Variants in PGM3 observed in about 807,000 individuals in gnomAD.
PGM3 encodes phosphoglucomutase 3.
Under a neutral mutation model 66.2 loss-of-function variants are expected in PGM3, and 40 were observed. That is an observed-to-expected ratio of 0.60 (90% CI 0.47 to 0.79). The LOEUF is 0.79. PGM3 is among the 30% of genes least tolerant of loss of function. The pLI is 0.00. For synonymous variants in PGM3, 191 were observed against 224.2 expected, an observed-to-expected ratio of 0.85 and a Z score of 1.32; for missense variants, 537 against 643.4, an observed-to-expected ratio of 0.83 and a Z score of 1.79.
intron 1 of PGM3, 198 bp from the exon 2 acceptor site, chr6:83,191,212 T>C: frequency 6.5e-7 from 1 of 1,535,226 alleles, no homozygotes; most frequent in Non-Finnish European, 8.7e-7. Context: ...CAACTTGGTA[T>C]GTCCACTCCT....
downstream of PGM3, among the ~76,000 whole-genome samples, chr6:83,164,173 C>A (rs1251173475): frequency 6.7e-6 from 1 of 149,112 alleles, no homozygotes; most frequent in African/African-American, 2.5e-5. Flanking sequence ...GGCAGCAGCT[C>A]TTAAACTGAA....
chr6:83,171,514 C>T (rs754327970), intron 11 of PGM3, among the ~76,000 whole-genome samples: 28 of 151,998 alleles, frequency 1.8e-4, no homozygotes, highest in Non-Finnish European at 2.6e-4. Flanking sequence ...TGTTTTGAGA[C>T]GGAGTCTCGC....
chr6:83,193,655 C>T (rs919770235), upstream of PGM3, among the ~76,000 whole-genome samples: 43 of 152,306 alleles, frequency 2.8e-4, no homozygotes, highest in African/African-American at 7.0e-4. Flanking sequence ...GGCGACCTCG[C>T]CCACAGTGAG....
downstream of PGM3, among the ~76,000 whole-genome samples, chr6:83,156,765 T>C (rs1782888029): frequency 6.6e-6 from 1 of 152,212 alleles, no homozygotes; most frequent in South Asian, 2.1e-4. Context: ...AGACAAATGA[T>C]TCCTTGTTTC....
chr6:83,189,784 A>G (rs897355407), intron 2 of PGM3, among the ~76,000 whole-genome samples: 5 of 152,252 alleles, frequency 3.3e-5, no homozygotes, highest in Admixed American at 1.3e-4. Context: ...AATGTGGTAT[A>G]TATACACAAT....
intron 4 of PGM3, among the ~76,000 whole-genome samples, chr6:83,183,623 G>C (rs1260681613): frequency 6.6e-6 from 1 of 152,152 alleles, no homozygotes; most frequent in African/African-American, 2.4e-5. Context: ...ACTGAGCAGG[G>C]AAGACGGGAA....
At chr6:83,183,277 A>G (rs985295335) in intron 4 of PGM3, among the ~76,000 whole-genome samples, 2 of 152,240 alleles carry the variant, frequency 1.3e-5, no homozygotes, top group Non-Finnish European at 2.9e-5. Context: ...CCTCCTGGAA[A>G]CAACCAACAT....
rs1005597363 is a variant in PGM3 at position 83,166,043 on chromosome 6, T to A, written c.*3191A>T. ...AGCCACTGAGCTGGTCATCGCCAGT[T>A]GTCGTATAAAATCCACCTTTTGGCA... On this transcript the variant is annotated 3_prime_UTR_variant, in exon 13 of 13. Coordinates refer to ENST00000513973, the MANE Select transcript of PGM3 (RefSeq NM_015599.3). 3.6e-6 allele frequency: 1 copy of A among 281,564 alleles called. No homozygotes were observed. The highest frequency in any genetic ancestry group is 2.2e-5 in the African/African-American group (1 of 46,000). 17.4% of individuals were successfully genotyped at this position (281,564 alleles called of 1,614,324 possible).
intron 12 of PGM3, 34 bp downstream of exon 12, chr6:83,170,271 T>C: frequency 1.2e-6 from 2 of 1,601,844 alleles, no homozygotes; most frequent in Non-Finnish European, 1.7e-6. Context: ...CACCTAATAT[T>C]AGGCTCTTTT....
intron 10 of PGM3, among the ~76,000 whole-genome samples, chr6:83,172,554 G>A (rs1174562584): frequency 2.0e-5 from 3 of 152,138 alleles, no homozygotes; most frequent in Non-Finnish European, 4.4e-5. Flanking sequence ...ATCTACTCGG[G>A]AGGCTGAGGC....
intron 10 of PGM3, among the ~76,000 whole-genome samples, chr6:83,174,118 G>A (rs1444220952): frequency 6.6e-6 from 1 of 152,118 alleles, no homozygotes; most frequent in African/African-American, 2.4e-5. Flanking sequence ...CTGAGTAGCT[G>A]AATCTGTGAT....
intron 2 of PGM3, among the ~76,000 whole-genome samples, chr6:83,190,328 A>G (rs111835665): frequency 2.8e-4 from 42 of 152,332 alleles, no homozygotes; most frequent in African/African-American, 9.4e-4. Flanking sequence ...TAACTGTCAC[A>G]AAGACTAGAA....
chr6:83,180,038 T>A, intron 6 of PGM3, 71 bp from the exon 7 acceptor site: 1 of 1,192,578 alleles, frequency 8.4e-7, no homozygotes, highest in Non-Finnish European at 1.2e-6. Context: ...GAATTTTCTC[T>A]TAAAATTATC....
At chr6:83,178,625 A>G (rs1244365153) in intron 8 of PGM3, 48 bp downstream of exon 8, 4 of 1,009,794 alleles carry the variant, frequency 4.0e-6, no homozygotes, top group South Asian at 3.8e-5. Context: ...TCTCACAGAA[A>G]CATGATCTTA....
At chr6:83,159,645 A>G (rs2128403969), downstream of PGM3, 4 of 841,850 alleles carry the variant, frequency 4.8e-6, no homozygotes, top group Non-Finnish European at 5.7e-6. Context: ...ATTTGAAAAC[A>G]GTGACATTTC....
In PGM3 at chr6:83,165,740, C is replaced by T. The variant is rs888754610; in HGVS notation, c.*3494G>A. On this transcript the variant is annotated 3_prime_UTR_variant, in exon 13 of 13. Transcript: ENST00000513973. ...GCAGATGAGGCAAAACTTCATAGCC[C>T]AATTAGTTCAATTTTCGAAGCGTTG... The T allele has an allele frequency of 1.3e-4, 31 of 236,500 alleles. No individual in the cohort carries two copies. The highest frequency in any genetic ancestry group is 5.4e-4 in the South Asian group (10 of 18,664). The allele number at this position is 236,500 out of a possible 1,614,324, so 14.7% of individuals were successfully genotyped here. A position where few individuals can be genotyped will look rare whatever the true frequency, so the allele number is the denominator to read the frequency against.
downstream of PGM3, among the ~76,000 whole-genome samples, chr6:83,163,782 C>G (rs914870404): frequency 6.6e-6 from 1 of 151,924 alleles, no homozygotes; most frequent in African/African-American, 2.4e-5. Flanking sequence ...GTTAAACTGG[C>G]TTTATGACTC....
At chr6:83,181,533 T>G (rs776746039) in intron 6 of PGM3, among the ~76,000 whole-genome samples, 6 of 152,110 alleles carry the variant, frequency 3.9e-5, no homozygotes, top group Non-Finnish European at 8.8e-5. Context: ...TCCTGTAGAC[T>G]ATGAGGAATG....
rs906800491 is a variant in PGM3, at chr6:83,183,094, A to C, written c.458-116T>G. 10 of 891,846 alleles carry C rather than the reference A, an allele frequency of 1.1e-5. No individual in the cohort carries two copies. In the African/African-American group the frequency reaches 1.7e-4, roughly 15 times the overall value. The allele number at this position is 891,846 out of a possible 1,614,324, so 55.2% of individuals were successfully genotyped here. A position where few individuals can be genotyped will look rare whatever the true frequency, so the allele number is the denominator to read the frequency against. ...CAAATCCTTTTGTGTCATCTCAGAC[A>C]TCTTAGAAAACATAAAAATGATCTT... On this transcript the variant is annotated intron_variant, in intron 4 of 12. Transcript: ENST00000513973.
Sources: allele counts gnomAD v4.1 joint callset (sites outside exome capture counted in the v4.1 genomes callset), GRCh38; gene constraint gnomAD v4.1.1; transcripts MANE v1.5; gene names NCBI Gene and HGNC (gene_info 2026-07-23, HGNC 2026-07-21).